The following AMDHD1 variants were observed in gnomAD, a reference collection of about 807,000 sequenced individuals.
AMDHD1 encodes probable imidazolonepropionase.
AMDHD1 carries 45 observed loss-of-function variants against 44.1 expected under a neutral mutation model. The observed-to-expected ratio is 1.02, with a 90% CI of 0.80 to 1.31. The LOEUF is 1.31. Ranked by LOEUF, AMDHD1 falls within the 50% of genes most tolerant of loss-of-function variation. The probability of loss-of-function intolerance (pLI) is 0.00; values close to 1 mark genes in which losing one functional copy is unlikely to be tolerated. For missense variants in AMDHD1, 586 were observed against 552.1 expected, an observed-to-expected ratio of 1.06 and a Z score of -0.61; for synonymous variants, 206 against 205.0, an observed-to-expected ratio of 1.00 and a Z score of -0.04.
intron 8 of AMDHD1, 113 bp from the exon 9 acceptor site, chr12:95,967,643 G>C: frequency 1.3e-6 from 1 of 788,046 alleles, no homozygotes; most frequent in Non-Finnish European, 2.0e-6. Flanking sequence ...CCATTGACTG[G>C]GTGTAAATAA....
At chr12:95,947,701 C>T (rs1307510285) in intron 1 of AMDHD1, among the ~76,000 whole-genome samples, 4 of 61,452 alleles carry the variant, frequency 6.5e-5, no homozygotes, top group Non-Finnish European at 1.1e-4. Context: ...CCACCCCGTC[C>T]GGGAGGGAGA....
chr12:95,945,153 C>T (rs1445482707), intron 1 of AMDHD1, among the ~76,000 whole-genome samples: 1 of 151,884 alleles, frequency 6.6e-6, no homozygotes, highest in East Asian at 1.9e-4. Flanking sequence ...TAAATAAATA[C>T]ATAAATAAAA....
At chr12:95,954,172 A>G (rs2080538477) in intron 2 of AMDHD1, among the ~76,000 whole-genome samples, 1 of 152,118 alleles carries the variant, frequency 6.6e-6, no homozygotes, top group African/African-American at 2.4e-5. Context: ...TTCCCTTCTC[A>G]GAGTTGCAGG....
rs896743060 is a variant in AMDHD1, at chr12:95,943,351, G to C, written c.-48G>C. The C allele has an allele frequency of 8.4e-7, 1 of 1,196,112 alleles. No homozygotes were observed. The highest frequency in any genetic ancestry group is 1.7e-5 in the African/African-American group (1 of 57,844). 74.1% of individuals were successfully genotyped at this position (1,196,112 alleles called of 1,614,324 possible). On this transcript the variant is annotated 5_prime_UTR_variant, in exon 1 of 9. Coordinates refer to ENST00000266736, the MANE Select transcript of AMDHD1 (RefSeq NM_152435.3). Reference sequence around the variant, plus strand: ...TTTTCGTCCTCCACTGAGTCCTGCCGGTGGCCCGAGCCCGGTGGCCTCCCG... The same window carrying C: ...TTTTCGTCCTCCACTGAGTCCTGCCCGTGGCCCGAGCCCGGTGGCCTCCCG...
intron 3 of AMDHD1, 53 bp downstream of exon 3, chr12:95,955,028 TTGCTGAAGAGTTAG>T: frequency 6.4e-7 from 1 of 1,567,088 alleles, no homozygotes; most frequent in Non-Finnish European, 8.8e-7. Context: ...ATGAAGTCTT[TTGCTGAAGAGTTAG>T]TAGGCTATCA....
At position 95,966,355 on chromosome 12, in the gene AMDHD1, T is replaced by C. The variant is rs770818203; in HGVS notation, c.1040T>C (p.Val347Ala). The C allele has an allele frequency of 1.2e-6, 2 of 1,614,132 alleles. No individual in the cohort carries two copies. Among genetic ancestry groups the C allele is most frequent in the Non-Finnish European group, 1.7e-6 (2 of 1,180,008 alleles). ...TTTCTCTTCCTGCCTTAGCCAATGG[T>C]CATGCATCTGGCCTGTGTAAACATG... ...PNAYCFSMPM[V>A]MHLACVNMRM... The change falls in exon 8 of 9, where the codon GTC becomes GCC. Residue 347 changes from valine (V) to alanine (A), a missense_variant. Transcript: ENST00000266736.
intron 6 of AMDHD1, among the ~76,000 whole-genome samples, chr12:95,964,304 G>GC (rs1049029721): frequency 1.3e-5 from 2 of 152,090 alleles, no homozygotes; most frequent in African/African-American, 4.8e-5. Flanking sequence ...GACCAGCAGG[G>GC]CCCCCTGCTC....
intron 4 of AMDHD1, among the ~76,000 whole-genome samples, chr12:95,959,859 G>A (rs1257576226): frequency 3.5e-5 from 5 of 142,238 alleles, no homozygotes; most frequent in African/African-American, 1.1e-4. Flanking sequence ...GCAGTGGTGC[G>A]ATCTCGGCTC....
intron 6 of AMDHD1, among the ~76,000 whole-genome samples, chr12:95,963,900 G>A (rs924510068): frequency 2.0e-5 from 3 of 151,914 alleles, no homozygotes; most frequent in Admixed American, 1.3e-4. Context: ...ATGGTGGCGC[G>A]CGCCTGTAGT....
intron 6 of AMDHD1, among the ~76,000 whole-genome samples, chr12:95,964,293 A>C (rs931536363): frequency 6.6e-6 from 1 of 152,134 alleles, no homozygotes; most frequent in African/African-American, 2.4e-5. Context: ...GCATCAGGAG[A>C]GACCAGCAGG....
chr12:95,956,577 C>A, intron 3 of AMDHD1, 108 bp from the exon 4 acceptor site: 1 of 1,456,730 alleles, frequency 6.9e-7, no homozygotes, highest in Non-Finnish European at 9.4e-7. Flanking sequence ...GGTGCCCATG[C>A]CATATGGCTT....
At chr12:95,965,852 C>G in intron 7 of AMDHD1, 73 bp downstream of exon 7, 2 of 1,036,328 alleles carry the variant, frequency 1.9e-6, no homozygotes, top group Non-Finnish European at 2.8e-6. Context: ...AAATATTTCA[C>G]TAGCTTTTAA....
At chr12:95,944,140 A>G (rs1336664394) in intron 1 of AMDHD1, among the ~76,000 whole-genome samples, 1 of 152,126 alleles carries the variant, frequency 6.6e-6, no homozygotes, top group Non-Finnish European at 1.5e-5. Flanking sequence ...CCAGATATGA[A>G]TAAAAGAACA....
chr12:95,952,247 A>T (rs1178178827), intron 1 of AMDHD1, among the ~76,000 whole-genome samples: 2 of 152,000 alleles, frequency 1.3e-5, no homozygotes, highest in Admixed American at 6.6e-5. Context: ...ACCCATTTAG[A>T]TTTGATTTCA....
In AMDHD1 at chr12:95,968,090, G is replaced by A. The variant is rs978443571; in HGVS notation, c.*247G>A. On this transcript the variant is annotated 3_prime_UTR_variant, in exon 9 of 9. Coordinates refer to ENST00000266736, the MANE Select transcript of AMDHD1 (RefSeq NM_152435.3). ...AACATCCAATTAGTTCACAAATATTGGTTACAAATATTCTGTAGATTAATA... is the reference window on the plus strand; with the variant it reads ...AACATCCAATTAGTTCACAAATATTAGTTACAAATATTCTGTAGATTAATA... 7.3e-6 allele frequency: 2 copies of A among 272,716 alleles called. No individual in the cohort carries two copies. Among genetic ancestry groups the A allele is most frequent in the South Asian group, 7.4e-5 (1 of 13,456 alleles). The allele number at this position is 272,716 out of a possible 1,614,324, so 16.9% of individuals were successfully genotyped here.
At position 95,943,485 on chromosome 12, in the gene AMDHD1, T is replaced by A. The variant is rs1198012923; in HGVS notation, c.87T>A (p.Asp29Glu). The change falls in exon 1 of 9, where the codon GAT (aspartate) becomes GAA (glutamate). Residue 29 changes from aspartate to glutamate, a missense_variant. Transcript: ENST00000266736. ...CARGERFLAR[D>E]ALRSLAVLEG... is the part of the protein sequence containing the mutation. ...GCGGCGAGCGCTTCCTGGCGCGGGA[T>A]GCGCTGCGCAGCCTGGCGGTGCTGG... is the stretch of plus-strand genomic sequence containing the variant. 4.0e-6 allele frequency: 6 copies of A among 1,501,362 alleles called. No homozygotes were observed. The highest frequency in any genetic ancestry group is 4.2e-5 in the Admixed American group (2 of 47,524). 93.0% of individuals were successfully genotyped at this position (1,501,362 alleles called of 1,614,324 possible).
At chr12:95,953,797 T>C (rs2080536054) in intron 2 of AMDHD1, among the ~76,000 whole-genome samples, 1 of 152,154 alleles carries the variant, frequency 6.6e-6, no homozygotes, top group Admixed American at 6.5e-5. Context: ...GTCAGGCTGG[T>C]CTCAAACTCC....
chr12:95,966,615 C>G, intron 8 of AMDHD1, 107 bp downstream of exon 8: 4 of 1,363,880 alleles, frequency 2.9e-6, no homozygotes, highest in Non-Finnish European at 4.1e-6. Context: ...TGTCTGGACT[C>G]AGACACTATC....
At chr12:95,959,607 C>T (rs962971428) in intron 4 of AMDHD1, among the ~76,000 whole-genome samples, 21 of 151,768 alleles carry the variant, frequency 1.4e-4, no homozygotes, top group African/African-American at 5.1e-4. Context: ...TCACAGCCTC[C>T]TACTATCCTC....
Sources: gnomAD v4.1 joint callset for allele counts (sites outside exome capture counted in the v4.1 genomes callset) on GRCh38, gnomAD v4.1.1 for gene constraint, MANE v1.5 for transcripts, NCBI Gene and HGNC (gene_info 2026-07-23, HGNC 2026-07-21) for gene names.